The following PTPRD variants were observed in gnomAD, a reference collection of about 807,000 sequenced individuals.
The protein encoded by PTPRD is receptor-type tyrosine-protein phosphatase delta.
A neutral mutation model predicts 214.5 loss-of-function variants in PTPRD; 34 were observed. That is an observed-to-expected ratio of 0.16 (90% CI 0.12 to 0.21). PTPRD has a LOEUF of 0.21. PTPRD is among the 10% of genes least tolerant of loss of function. PTPRD has a pLI of 1.00. For synonymous variants in PTPRD, 1,128 were observed against 845.7 expected (o/e 1.33, Z -5.79); for missense variants, 2,545 against 2,398.7 (o/e 1.06, Z -1.27).
intron 2 of PTPRD, among the ~76,000 whole-genome samples, chr9:10,410,780 T>C (rs954689236): frequency 1.3e-5 from 2 of 151,804 alleles, no homozygotes; most frequent in African/African-American, 4.8e-5. Context: ...TGTAAGAGTT[T>C]GCTCATTGGA....
At chr9:9,755,675 C>T (rs1194242240) in intron 6 of PTPRD, among the ~76,000 whole-genome samples, 1 of 152,016 alleles carries the variant, frequency 6.6e-6, no homozygotes, top group Non-Finnish European at 1.5e-5. Flanking sequence ...AGCATTTACA[C>T]ACGTGGAAAT....
chr9:10,039,557 A>G (rs996572766), intron 3 of PTPRD, among the ~76,000 whole-genome samples: 2 of 152,068 alleles, frequency 1.3e-5, no homozygotes, highest in Non-Finnish European at 2.9e-5. Flanking sequence ...CACCTGAAAA[A>G]CATTTTCCTT....
intron 9 of PTPRD, among the ~76,000 whole-genome samples, chr9:9,252,565 C>T (rs922210343): frequency 3.9e-5 from 6 of 151,978 alleles, no homozygotes; most frequent in Non-Finnish European, 7.4e-5. Context: ...TCATTGCAGC[C>T]TTGACTCCTG....
At chr9:9,359,329 GAA>G (rs1569567704) in intron 9 of PTPRD, among the ~76,000 whole-genome samples, 1 of 151,246 alleles carries the variant, frequency 6.6e-6, no homozygotes, top group Non-Finnish European at 1.5e-5. Flanking sequence ...TAAGGAATAG[GAA>G]AGGACACTTC....
chr9:8,984,394 A>G lies in PTPRD; in HGVS notation c.-104+34303T>C, dbSNP rs192215005. 1.2e-4 allele frequency among the ~76,000 whole-genome samples: 19 copies of G among 152,242 alleles called. No homozygotes were observed. In the East Asian group the frequency reaches 3.7e-3, roughly 29 times the overall value. ...GAATCTTTAATAACAAGAACCTCCAATTTTGATAGTTATGCTTCCTCTCCA... is the reference window on the plus strand; with the variant it reads ...GAATCTTTAATAACAAGAACCTCCAGTTTTGATAGTTATGCTTCCTCTCCA... On this transcript the variant is annotated intron_variant, in intron 11 of 45. Transcript: ENST00000381196.
intron 12 of PTPRD, among the ~76,000 whole-genome samples, chr9:8,727,191 A>G (rs1279079804): frequency 6.6e-6 from 1 of 152,194 alleles, no homozygotes; most frequent in African/African-American, 2.4e-5. Context: ...CCAAATAGAG[A>G]TAACAAACAG....
At position 10,202,671 on chromosome 9, in the gene PTPRD, G is replaced by GAGATATATAT. The variant is rs376695815; in HGVS notation, c.-545+138291_-545+138292insATATATATCT. On this transcript the variant is annotated intron_variant, in intron 3 of 45. Coordinates refer to ENST00000381196, the MANE Select transcript of PTPRD (RefSeq NM_002839.4). ...GATGCCTACTTATAAAAATTATATGGATATATATATATATATATATATATA... is the reference window on the plus strand; with the variant it reads ...GATGCCTACTTATAAAAATTATATGGAGATATATATATATATATATATATATATATATATA... Among the ~76,000 whole-genome samples, 831 of 113,098 alleles carry GAGATATATAT rather than the reference G, an allele frequency of 7.3e-3. 17 individuals are homozygous for GAGATATATAT. Among genetic ancestry groups the GAGATATATAT allele is most frequent in the African/African-American group, 0.02 (558 of 28,176 alleles). 74.2% of individuals were successfully genotyped at this position (113,098 alleles called of 152,430 possible).
intron 7 of PTPRD, among the ~76,000 whole-genome samples, chr9:9,719,966 C>G (rs954762324): frequency 6.6e-6 from 1 of 152,140 alleles, no homozygotes; most frequent in Admixed American, 6.5e-5. Flanking sequence ...CAGGACCCCA[C>G]GCTTGATTGT....
chr9:9,488,867 A>C (rs1366579337), intron 8 of PTPRD, among the ~76,000 whole-genome samples: 19 of 152,118 alleles, frequency 1.2e-4, no homozygotes. Context: ...GCTTGCACCC[A>C]GATTGCAAGA....
At chr9:10,602,492 G>T (rs929601440) in intron 2 of PTPRD, among the ~76,000 whole-genome samples, 2 of 151,738 alleles carry the variant, frequency 1.3e-5, no homozygotes, top group Non-Finnish European at 2.9e-5. Context: ...ATTAAACCAT[G>T]AGTTATGTTG....
chr9:9,556,103 T>C (rs1413389013), intron 8 of PTPRD, among the ~76,000 whole-genome samples: 1 of 152,140 alleles, frequency 6.6e-6, no homozygotes, highest in Non-Finnish European at 1.5e-5. Context: ...CCAGAAACCT[T>C]ACTGATAACA....
At chr9:10,471,522 G>A (rs2099031145) in intron 2 of PTPRD, among the ~76,000 whole-genome samples, 1 of 151,980 alleles carries the variant, frequency 6.6e-6, no homozygotes, top group Non-Finnish European at 1.5e-5. Context: ...GTGTTTGTAT[G>A]ATTTTGTACC....
At chr9:9,488,152 T>A (rs1209734319) in intron 8 of PTPRD, among the ~76,000 whole-genome samples, 1 of 152,120 alleles carries the variant, frequency 6.6e-6, no homozygotes, top group Admixed American at 6.6e-5. Flanking sequence ...ATGCGGAATA[T>A]TTTTCTCCCA....
intron 9 of PTPRD, among the ~76,000 whole-genome samples, chr9:9,213,782 T>C (rs2099950369): frequency 6.6e-6 from 1 of 152,090 alleles, no homozygotes; most frequent in African/African-American, 2.4e-5. Flanking sequence ...ATTCATCCCT[T>C]CACAGCATTC....
chr9:8,349,957 A>G (rs2074975646), intron 39 of PTPRD, among the ~76,000 whole-genome samples: 1 of 148,836 alleles, frequency 6.7e-6, no homozygotes, highest in African/African-American at 2.5e-5. Flanking sequence ...TTTAAATTTC[A>G]GTAAGTGATA....
chr9:9,882,067 C>CAG (rs1207847756), intron 5 of PTPRD, among the ~76,000 whole-genome samples: 4 of 152,068 alleles, frequency 2.6e-5, no homozygotes, highest in African/African-American at 9.7e-5. Flanking sequence ...AGAATGTAGA[C>CAG]AGACTAATAT....
intron 14 of PTPRD, among the ~76,000 whole-genome samples, chr9:8,610,865 GCAA>G (rs1216288106): frequency 2.0e-5 from 3 of 152,148 alleles, no homozygotes; most frequent in Non-Finnish European, 4.4e-5. Context: ...AGATGAAAGG[GCAA>G]CAACAAGCCC....
intron 3 of PTPRD, among the ~76,000 whole-genome samples, chr9:10,168,716 T>G (rs1261977369): frequency 6.6e-6 from 1 of 152,234 alleles, no homozygotes; most frequent in African/African-American, 2.4e-5. Flanking sequence ...ATTCAATGAC[T>G]AACTACATAA....
At chr9:8,483,525 G>C (rs1591664059) in intron 30 of PTPRD, among the ~76,000 whole-genome samples, 1 of 152,316 alleles carries the variant, frequency 6.6e-6, no homozygotes, top group East Asian at 1.9e-4. Flanking sequence ...GGCTGAGGTA[G>C]GTGGATCACA....
Sources: gnomAD v4.1 joint callset for allele counts (sites outside exome capture counted in the v4.1 genomes callset) on GRCh38, gnomAD v4.1.1 for gene constraint, MANE v1.5 for transcripts, NCBI Gene and HGNC (gene_info 2026-07-23, HGNC 2026-07-21) for gene names.